CALCR: variants seen among roughly 807,000 people sequenced by gnomAD.
The protein encoded by CALCR is calcitonin receptor.
CALCR carries 47 observed loss-of-function variants against 59.5 expected under a neutral mutation model. The ratio of observed to expected loss-of-function variants is 0.79; its 90% CI spans 0.63 to 1.01. The LOEUF (loss-of-function observed/expected upper bound fraction) is 1.01. CALCR is among the 50% of genes least tolerant of loss of function. CALCR has a pLI of 0.00. For missense variants in CALCR, 566 were observed against 597.1 expected (o/e 0.95, Z 0.54); for synonymous variants, 213 against 211.3 (o/e 1.01, Z -0.07).
intron 2 of CALCR, among the ~76,000 whole-genome samples, chr7:93,550,160 T>C (rs1563017204): frequency 6.6e-6 from 1 of 152,056 alleles, no homozygotes; most frequent in African/African-American, 2.4e-5. Flanking sequence ...ATGTATATGG[T>C]TTTGTTTTCC....
chr7:93,424,912 G>T lies in CALCR; in HGVS notation c.*1444C>A, dbSNP rs1799491653. The T allele has an allele frequency of 6.6e-6, 1 of 152,482 alleles. No homozygotes were observed. The highest frequency in any genetic ancestry group is 6.6e-5 in the Admixed American group (1 of 15,266). 9.4% of individuals were successfully genotyped at this position (152,482 alleles called of 1,614,324 possible). On this transcript the variant is annotated 3_prime_UTR_variant, in exon 14 of 14. Coordinates refer to ENST00000426151, the MANE Select transcript of CALCR (RefSeq NM_001742.4). ...AATTTTCTCTGGGTGCGCTAAATAT[G>T]TAACCATAACAAATCAATTTATTAT...
chr7:93,440,406 A>G (rs1217332832), intron 9 of CALCR, among the ~76,000 whole-genome samples: 2 of 152,056 alleles, frequency 1.3e-5, no homozygotes, highest in Non-Finnish European at 2.9e-5. Flanking sequence ...TTTTCCTCCC[A>G]TCCAAAGATA....
chr7:93,474,122 T>A (rs1018381109), intron 5 of CALCR, among the ~76,000 whole-genome samples: 3 of 151,754 alleles, frequency 2.0e-5, no homozygotes, highest in African/African-American at 7.2e-5. Flanking sequence ...AGAAAACTTC[T>A]TTGTTCTGTA....
chr7:93,502,151 GGAAA>G (rs775303830), intron 2 of CALCR, among the ~76,000 whole-genome samples: 1 of 151,998 alleles, frequency 6.6e-6, no homozygotes, highest in South Asian at 2.1e-4. Flanking sequence ...ATAACTAGTG[GGAAA>G]GGAAGGAAGG....
chr7:93,560,661 G>C (rs1306023610), intron 2 of CALCR, among the ~76,000 whole-genome samples: 1 of 151,984 alleles, frequency 6.6e-6, no homozygotes, highest in Non-Finnish European at 1.5e-5. Flanking sequence ...TATTTGCTGT[G>C]ACCATGTGGA....
intron 2 of CALCR, among the ~76,000 whole-genome samples, chr7:93,508,089 T>C (rs973863074): frequency 1.3e-4 from 20 of 152,214 alleles, no homozygotes; most frequent in Non-Finnish European, 2.9e-4. Flanking sequence ...TCATAAGATA[T>C]GCTCAGAGAA....
At chr7:93,563,622 A>G (rs975828804) in intron 2 of CALCR, among the ~76,000 whole-genome samples, 12 of 152,332 alleles carry the variant, frequency 7.9e-5, no homozygotes, top group African/African-American at 2.9e-4. Context: ...GTTAATATTT[A>G]GAATAAATAA....
rs371122576 is a variant in CALCR at position 93,548,721 on chromosome 7, A to G, written c.-27+25568T>C. Among the ~76,000 whole-genome samples the G allele has an allele frequency of 1.2e-4, 18 of 151,776 alleles. No individual in the cohort carries two copies. The East Asian group carries it at 3.5e-3, about 29-fold the overall frequency. On this transcript the variant is annotated intron_variant, in intron 2 of 13. Coordinates refer to ENST00000426151, the MANE Select transcript of CALCR (RefSeq NM_001742.4). ...CTTCATTCATCTCATTAAGAGAAGC[A>G]TTTGGAAAAAAAAAAGCTTTACTTT... is the stretch of plus-strand genomic sequence containing the variant.
intron 13 of CALCR, among the ~76,000 whole-genome samples, chr7:93,431,412 A>G (rs1309985803): frequency 6.6e-6 from 1 of 152,166 alleles, no homozygotes; most frequent in African/African-American, 2.4e-5. Flanking sequence ...ATGTGGTGTG[A>G]AGAAAGGAGC....
intron 6 of CALCR, among the ~76,000 whole-genome samples, chr7:93,469,241 G>T (rs1240524878): frequency 6.6e-6 from 1 of 151,488 alleles, no homozygotes; most frequent in Non-Finnish European, 1.5e-5. Context: ...ATGGTGGCAG[G>T]TTTCTGTGCC....
chr7:93,548,426 A>C (rs1289368255), intron 2 of CALCR, among the ~76,000 whole-genome samples: 3 of 152,210 alleles, frequency 2.0e-5, no homozygotes, highest in African/African-American at 7.2e-5. Context: ...AAAATTACAC[A>C]TAATTCTTAA....
intron 3 of CALCR, among the ~76,000 whole-genome samples, chr7:93,482,222 T>A (rs931800112): frequency 6.6e-6 from 1 of 151,844 alleles, no homozygotes; most frequent in East Asian, 1.9e-4. Flanking sequence ...GTTTTAAAAA[T>A]TCAATTACAT....
At position 93,479,377 on chromosome 7, in the gene CALCR, T is replaced by A; in HGVS notation, c.182A>T (p.Gln61Leu). 6.2e-7 allele frequency: 1 copy of A among 1,611,300 alleles called. No individual in the cohort carries two copies. The highest frequency in any genetic ancestry group is 8.5e-7 in the Non-Finnish European group (1 of 1,178,658). The change falls in exon 4 of 14, where the codon CAG becomes CTG. Residue 61 changes from glutamine to leucine, a missense_variant. Coordinates refer to ENST00000426151, the MANE Select transcript of CALCR (RefSeq NM_001742.4). ...AQYKCYDRMQ[Q>L]LPAYQGEGPY... ...ACCTTCTCCTTGGTATGCGGGTAAC[T>A]GCTGCATTCGGTCATAGCATTTGTA... is the stretch of plus-strand genomic sequence containing the variant.
intron 2 of CALCR, among the ~76,000 whole-genome samples, chr7:93,535,660 G>C (rs1332877729): frequency 6.6e-6 from 1 of 151,688 alleles, no homozygotes; most frequent in Admixed American, 6.6e-5. Context: ...GAGAGATAAA[G>C]AAAATTACAA....
At chr7:93,534,020 T>C (rs1788919288) in intron 2 of CALCR, among the ~76,000 whole-genome samples, 1 of 151,744 alleles carries the variant, frequency 6.6e-6, no homozygotes, top group Non-Finnish European at 1.5e-5. Flanking sequence ...AATGCCTTTA[T>C]CTAACAGAAG....
At chr7:93,473,796 G>T (rs1800608219) in intron 5 of CALCR, among the ~76,000 whole-genome samples, 1 of 151,588 alleles carries the variant, frequency 6.6e-6, no homozygotes, top group Non-Finnish European at 1.5e-5. Flanking sequence ...TTGCTTTGTG[G>T]TGTCTGCTGG....
chr7:93,514,775 C>T (rs565594728), intron 2 of CALCR, among the ~76,000 whole-genome samples: 1 of 152,098 alleles, frequency 6.6e-6, no homozygotes, highest in East Asian at 1.9e-4. Context: ...TGTAAGAATG[C>T]AACCAATTGA....
At chr7:93,513,895 ATATT>A (rs1230775081) in intron 2 of CALCR, among the ~76,000 whole-genome samples, 1 of 151,932 alleles carries the variant, frequency 6.6e-6, no homozygotes. Context: ...TTACAAATAA[ATATT>A]TATTTCATTT....
chr7:93,562,411 GAAC>G (rs144086474), intron 2 of CALCR, among the ~76,000 whole-genome samples: 233 of 151,154 alleles, frequency 1.5e-3, no homozygotes, highest in African/African-American at 4.5e-3. Context: ...TTATAAAAAG[GAAC>G]AACAACAACA....
Sources: gnomAD v4.1 joint callset for allele counts (sites outside exome capture counted in the v4.1 genomes callset) on GRCh38, gnomAD v4.1.1 for gene constraint, MANE v1.5 for transcripts, NCBI Gene and HGNC (gene_info 2026-07-23, HGNC 2026-07-21) for gene names.